The following CEP112 variants were observed in gnomAD, a reference collection of about 807,000 sequenced individuals.
CEP112 encodes the protein centrosomal protein 112, also known as centrosomal protein of 112 kDa.
CEP112 carries 127 observed loss-of-function variants against 153.0 expected under a neutral mutation model. The observed-to-expected ratio is 0.83, with a 90% CI of 0.72 to 0.96. CEP112 has a LOEUF of 0.96. Ranked by LOEUF, CEP112 falls within the 40% of genes least tolerant of loss-of-function variation. The pLI is 0.00. For missense variants in CEP112, 1,089 were observed against 1,101.2 expected (o/e 0.99, Z 0.16); for synonymous variants, 358 against 374.4 (o/e 0.96, Z 0.51).
intron 12 of CEP112, among the ~76,000 whole-genome samples, chr17:66,050,432 G>T (rs2066391562): frequency 6.6e-6 from 1 of 152,104 alleles, no homozygotes; most frequent in Admixed American, 6.5e-5. Flanking sequence ...AACTGTGCCT[G>T]AAGTCTCCCA....
chr17:66,175,115 T>C lies in CEP112; in HGVS notation c.399A>G (p.Lys133=), dbSNP rs758460955. 1.4e-5 allele frequency: 22 copies of C among 1,613,544 alleles called. No homozygotes were observed. The highest frequency in any genetic ancestry group is 1.6e-4 in the Middle Eastern group (1 of 6,082). The change falls in exon 4 of 27, where the codon AAA becomes AAG. Residue 133 remains lysine (K), a synonymous_variant. Coordinates refer to ENST00000535342, the MANE Select transcript of CEP112 (RefSeq NM_001199165.4). ...AAGAGAGTTTCCATGATTCATTTAA[T>C]TTGTGTTCACTTGTCTCCAGCTCAC... ...VLGELETSEH[K]LNESWKLSSG... is the part of the protein sequence containing the mutation.
intron 21 of CEP112, among the ~76,000 whole-genome samples, chr17:65,782,048 T>G (rs1374478479): frequency 1.3e-5 from 2 of 151,988 alleles, no homozygotes; most frequent in African/African-American, 4.8e-5. Context: ...GCAAAATAAC[T>G]ACCAACAGAG....
At chr17:65,970,668 T>C (rs1180346718) in intron 17 of CEP112, among the ~76,000 whole-genome samples, 1 of 152,060 alleles carries the variant, frequency 6.6e-6, no homozygotes, top group East Asian at 1.9e-4. Flanking sequence ...CATACATGCA[T>C]ATTACACGCA....
chr17:65,744,796 G>C (rs2051348443), intron 22 of CEP112, among the ~76,000 whole-genome samples: 1 of 152,104 alleles, frequency 6.6e-6, no homozygotes, highest in African/African-American at 2.4e-5. Context: ...TCCTTCCTTT[G>C]GTTTGGATGT....
Position 66,066,834 on chromosome 17 carries a change from A to G in CEP112, c.899T>C (p.Leu300Ser), listed in dbSNP as rs1456242849. Reference sequence around the variant, plus strand: ...AGTTTCATGTTGTTTACTCCTGTATAAAGTTTTCAGTTCTTCTATTTCATT... The same window carrying G: ...AGTTTCATGTTGTTTACTCCTGTATGAAGTTTTCAGTTCTTCTATTTCATT... ...KNNEIEELKT[L>S]YRSKQHETEE... is the part of the protein sequence containing the mutation. Residue 300 changes from leucine to serine, a missense_variant, in exon 10 of 27, where the codon TTA becomes TCA. Leu to Ser is a moderately radical substitution (Grantham distance 145). Transcript: ENST00000535342. 10 of 1,551,270 alleles carry G rather than the reference A, an allele frequency of 6.4e-6. No individual in the cohort carries two copies. Among genetic ancestry groups the G allele is most frequent in the Non-Finnish European group, 8.7e-6 (10 of 1,152,756 alleles).
intron 17 of CEP112, among the ~76,000 whole-genome samples, chr17:65,988,940 C>T (rs1278705890): frequency 1.3e-5 from 2 of 151,958 alleles, no homozygotes; most frequent in Non-Finnish European, 2.9e-5. Context: ...AAGCACCAAA[C>T]AGGGCCAGAC....
chr17:66,111,905 ACAT>A (rs1400213026), intron 6 of CEP112, among the ~76,000 whole-genome samples: 7 of 152,234 alleles, frequency 4.6e-5, no homozygotes, highest in Admixed American at 1.3e-4. Context: ...TCCAAAAAAT[ACAT>A]CATCAAGAAA....
chr17:65,768,051 C>T (rs1406710682), intron 21 of CEP112, among the ~76,000 whole-genome samples: 1 of 152,060 alleles, frequency 6.6e-6, no homozygotes, highest in Non-Finnish European at 1.5e-5. Context: ...CTGACCACCC[C>T]CCAAATGCAG....
chr17:65,718,408 CAAAA>C (rs775958879), intron 23 of CEP112, among the ~76,000 whole-genome samples: 1 of 95,074 alleles, frequency 1.1e-5, no homozygotes, highest in African/African-American at 3.9e-5. Context: ...AACTCCATCT[CAAAA>C]AAAAAAAAAA....
At chr17:65,894,777 C>T (rs2059603522) in intron 20 of CEP112, among the ~76,000 whole-genome samples, 1 of 151,910 alleles carries the variant, frequency 6.6e-6, no homozygotes, top group Admixed American at 6.6e-5. Context: ...AAAAGTGAAC[C>T]CATTTCAAAA....
intron 23 of CEP112, among the ~76,000 whole-genome samples, chr17:65,706,290 G>T (rs2048910563): frequency 6.6e-6 from 1 of 152,166 alleles, no homozygotes; most frequent in African/African-American, 2.4e-5. Flanking sequence ...AGAATTGTCT[G>T]CCAAAGAAGT....
chr17:65,937,507 C>A (rs544893750), intron 18 of CEP112, among the ~76,000 whole-genome samples: 2 of 137,816 alleles, frequency 1.5e-5, no homozygotes, highest in South Asian at 2.7e-4. Flanking sequence ...CTGGCAACCG[C>A]CCCGTCTGAG....
rs1305402062 is a variant in CEP112, at chr17:66,183,188, T to C, written c.106+6A>G. 1 of 1,544,158 alleles carries C rather than the reference T, an allele frequency of 6.5e-7. No individual in the cohort carries two copies. The highest frequency in any genetic ancestry group is 8.8e-7 in the Non-Finnish European group (1 of 1,136,198). The stretch of plus-strand genomic sequence containing the variant: ...TTAAGAATCTAATCTTCAAACATAA[T>C]CTTACCTGTCCTATGAGGTAATTTT... On this transcript the variant is annotated splice_donor_region_variant and intron_variant, in intron 2 of 26. Transcript: ENST00000535342.
At chr17:66,008,662 C>T (rs940064338) in intron 16 of CEP112, among the ~76,000 whole-genome samples, 2 of 152,090 alleles carry the variant, frequency 1.3e-5, no homozygotes, top group African/African-American at 4.8e-5. Flanking sequence ...AACTTTGTAC[C>T]CTTTAACCAG....
chr17:66,112,002 A>G (rs973629496), intron 6 of CEP112, among the ~76,000 whole-genome samples: 3 of 152,144 alleles, frequency 2.0e-5, no homozygotes, highest in African/African-American at 7.2e-5. Context: ...TTAAAAATCA[A>G]TGAAAAGGCC....
chr17:65,839,218 G>T (rs2146202596), intron 21 of CEP112, among the ~76,000 whole-genome samples: 1 of 151,712 alleles, frequency 6.6e-6, no homozygotes, highest in African/African-American at 2.4e-5. Flanking sequence ...AAGAAAACTA[G>T]AAGTTAATAT....
At chr17:66,016,802 C>T (rs1426722228) in intron 16 of CEP112, among the ~76,000 whole-genome samples, 1 of 151,898 alleles carries the variant, frequency 6.6e-6, no homozygotes, top group East Asian at 1.9e-4. Flanking sequence ...AGATTTACGC[C>T]TTTAAATGGG....
At chr17:65,810,987 C>G (rs2055915780) in intron 21 of CEP112, among the ~76,000 whole-genome samples, 1 of 152,162 alleles carries the variant, frequency 6.6e-6, no homozygotes, top group Non-Finnish European at 1.5e-5. Context: ...TCGAGGTCAT[C>G]ATCTCAGAAC....
intron 24 of CEP112, among the ~76,000 whole-genome samples, chr17:65,654,021 T>TA (rs2045927010): frequency 7.7e-6 from 1 of 129,060 alleles, no homozygotes; most frequent in Non-Finnish European, 1.5e-5. Context: ...ATTGCGCCAC[T>TA]GTACTCTAGC....
Sources: allele counts gnomAD v4.1 joint callset (sites outside exome capture counted in the v4.1 genomes callset), GRCh38; gene constraint gnomAD v4.1.1; transcripts MANE v1.5; gene names NCBI Gene and HGNC (gene_info 2026-07-23, HGNC 2026-07-21).